PEPD: variants seen among roughly 807,000 people sequenced by gnomAD.
PEPD encodes the protein xaa-Pro dipeptidase.
A neutral mutation model predicts 60.7 loss-of-function variants in PEPD; 53 were observed. That is an observed-to-expected ratio of 0.87 (90% CI 0.70 to 1.10). The LOEUF (loss-of-function observed/expected upper bound fraction) is 1.10. PEPD is among the 50% of genes least tolerant of loss of function. The pLI is 0.00. For synonymous variants in PEPD, 267 were observed against 284.1 expected (o/e 0.94, Z 0.60); for missense variants, 711 against 711.9 (o/e 1.00, Z 0.01).
intron 4 of PEPD, among the ~76,000 whole-genome samples, chr19:33,495,921 C>T (rs1970593934): frequency 6.6e-6 from 1 of 152,104 alleles, no homozygotes; most frequent in South Asian, 2.1e-4. Flanking sequence ...GCAGAGGTTT[C>T]AGTGAGTCGT....
At chr19:33,468,714 C>A (rs1250306186) in intron 7 of PEPD, among the ~76,000 whole-genome samples, 4 of 152,200 alleles carry the variant, frequency 2.6e-5, no homozygotes, top group Non-Finnish European at 4.4e-5. Context: ...GACACCTTCC[C>A]GAGACCACAG....
At chr19:33,493,550 G>A in intron 4 of PEPD, 2 of 638,566 alleles carry the variant, frequency 3.1e-6, no homozygotes. Flanking sequence ...GGGGCAGAGA[G>A]GATAAACCTA....
Position 33,401,719 on chromosome 19 carries a change from A to C in PEPD, c.967+2T>G. On this transcript the variant is annotated splice_donor_variant, in intron 12 of 14. Coordinates refer to ENST00000244137, the MANE Select transcript of PEPD (RefSeq NM_000285.4). LOFTEE classifies it high-confidence loss of function. ...GCCTCCCCCCACCGACCCGCTGCTC[A>C]CCTGGCTTCATGGCACCCATGACGG... 1 of 1,606,024 alleles carries C rather than the reference A, an allele frequency of 6.2e-7. No individual in the cohort carries two copies. Among genetic ancestry groups the C allele is most frequent in the South Asian group, 1.1e-5 (1 of 89,770 alleles).
chr19:33,390,336 T>C (rs940321964), intron 13 of PEPD, among the ~76,000 whole-genome samples: 1 of 152,254 alleles, frequency 6.6e-6, no homozygotes, highest in African/African-American at 2.4e-5. Context: ...ATGGGATGAA[T>C]AGACATTAGG....
intron 9 of PEPD, among the ~76,000 whole-genome samples, chr19:33,454,531 C>T (rs1568480064): frequency 6.6e-6 from 1 of 151,228 alleles, no homozygotes; most frequent in South Asian, 2.1e-4. Context: ...GAGCCCAGGA[C>T]GTGGAGGTCG....
chr19:33,414,228 C>T (rs1298869463), intron 9 of PEPD, among the ~76,000 whole-genome samples: 1 of 152,226 alleles, frequency 6.6e-6, no homozygotes, highest in Non-Finnish European at 1.5e-5. Flanking sequence ...ACACATCCTG[C>T]TTCTCCCTCC....
chr19:33,387,446 G>A lies in PEPD; in HGVS notation c.1380C>T (p.Ser460=), dbSNP rs781482255. Residue 460 remains serine, a synonymous_variant, in exon 15 of 15, where the codon AGC becomes AGT. Coordinates refer to ENST00000244137, the MANE Select transcript of PEPD (RefSeq NM_000285.4). The stretch of plus-strand genomic sequence containing the variant: ...GCACGCAGGTCAGCAGCTCTATGCC[G>A]CTGTCAGTCACCACGACGTCCTCCT... The part of the protein sequence containing the change: ...RIEEDVVVTD[S]GIELLTCVPR... 16 of 1,613,774 alleles carry A rather than the reference G, an allele frequency of 9.9e-6. 1 individual carries two copies. Among genetic ancestry groups the A allele is most frequent in the South Asian group, 9.9e-5 (9 of 91,092 alleles).
chr19:33,472,291 G>A (rs541323629), intron 7 of PEPD, among the ~76,000 whole-genome samples: 2 of 152,262 alleles, frequency 1.3e-5, no homozygotes, highest in South Asian at 2.1e-4. Context: ...TTACAACACT[G>A]CATTCCAGCC....
At chr19:33,395,833 A>G (rs1358132209) in intron 12 of PEPD, among the ~76,000 whole-genome samples, 2 of 152,204 alleles carry the variant, frequency 1.3e-5, no homozygotes, top group Non-Finnish European at 2.9e-5. Context: ...GGGGTGTAGG[A>G]CAGCAGGCTC....
chr19:33,479,171 C>T (rs947752588), intron 6 of PEPD, among the ~76,000 whole-genome samples: 2 of 151,042 alleles, frequency 1.3e-5, no homozygotes, highest in South Asian at 2.1e-4. Context: ...AATTGTAATC[C>T]CCATAATCAT....
chr19:33,507,418 C>T (rs1288720857), intron 3 of PEPD, among the ~76,000 whole-genome samples: 1 of 152,200 alleles, frequency 6.6e-6, no homozygotes, highest in Non-Finnish European at 1.5e-5. Flanking sequence ...CCCTCCCCAT[C>T]CCAGAACAGG....
intron 11 of PEPD, among the ~76,000 whole-genome samples, chr19:33,407,155 C>G (rs530713290): frequency 4.8e-4 from 73 of 152,348 alleles, no homozygotes; most frequent in African/African-American, 1.7e-3. Context: ...CCCCTCCAAC[C>G]CCCACCACCT....
At chr19:33,487,747 A>G (rs1970422673) in intron 6 of PEPD, among the ~76,000 whole-genome samples, 1 of 152,086 alleles carries the variant, frequency 6.6e-6, no homozygotes, top group Admixed American at 6.5e-5. Context: ...GGCTCTCCAA[A>G]AAGTGTCCCA....
chr19:33,447,340 C>T (rs143604759), intron 9 of PEPD, among the ~76,000 whole-genome samples: 3 of 152,314 alleles, frequency 2.0e-5, no homozygotes, highest in Non-Finnish European at 2.9e-5. Context: ...CTCCACAAAA[C>T]GGGCTTTTCT....
intron 3 of PEPD, among the ~76,000 whole-genome samples, chr19:33,510,133 C>A (rs370454223): frequency 6.6e-6 from 1 of 152,164 alleles, no homozygotes; most frequent in African/African-American, 2.4e-5. Context: ...TTTTCACAGA[C>A]GGAGAAGCTA....
At chr19:33,432,874 T>C (rs1321483879) in intron 9 of PEPD, among the ~76,000 whole-genome samples, 2 of 152,220 alleles carry the variant, frequency 1.3e-5, no homozygotes, top group African/African-American at 2.4e-5. Flanking sequence ...TGGATGGAGA[T>C]GGTGGCAGTG....
intron 1 of PEPD, among the ~76,000 whole-genome samples, chr19:33,521,159 T>C (rs989229916): frequency 6.6e-6 from 1 of 152,224 alleles, no homozygotes; most frequent in African/African-American, 2.4e-5. Context: ...ACCGGGCTAC[T>C]GAGAAGCAGG....
chr19:33,471,344 C>T (rs767697789), intron 7 of PEPD, among the ~76,000 whole-genome samples: 10 of 152,172 alleles, frequency 6.6e-5, no homozygotes, highest in Non-Finnish European at 1.2e-4. Flanking sequence ...GGTTATCTCA[C>T]AGCACAAACA....
At chr19:33,521,561 C>A (rs1353829612) in intron 1 of PEPD, among the ~76,000 whole-genome samples, 183 bp downstream of exon 1, 4 of 152,250 alleles carry the variant, frequency 2.6e-5, no homozygotes, top group Admixed American at 2.6e-4. Context: ...CTGCGGCCCC[C>A]GCGCTGACCC....
Sources: gnomAD v4.1 joint callset for allele counts (sites outside exome capture counted in the v4.1 genomes callset) on GRCh38, gnomAD v4.1.1 for gene constraint, MANE v1.5 for transcripts, NCBI Gene and HGNC (gene_info 2026-07-23, HGNC 2026-07-21) for gene names.